Variants in THSD4 observed in about 807,000 individuals in gnomAD.
THSD4 encodes the protein thrombospondin type-1 domain-containing protein 4.
In THSD4, 69 loss-of-function variants were observed where a neutral mutation model predicts 119.0. The ratio of observed to expected loss-of-function variants is 0.58; its 90% CI spans 0.48 to 0.71. The LOEUF (loss-of-function observed/expected upper bound fraction) is 0.71. Ranked by LOEUF, THSD4 falls within the 30% of genes least tolerant of loss-of-function variation. The pLI is 0.00. For synonymous variants in THSD4, 524 were observed against 540.4 expected (o/e 0.97, Z 0.42); for missense variants, 1,393 against 1,391.1 (o/e 1.00, Z -0.02).
intron 7 of THSD4, among the ~76,000 whole-genome samples, chr15:71,548,787 G>T: frequency 1.3e-5 from 2 of 152,284 alleles, no homozygotes; most frequent in African/African-American, 4.8e-5. Context: ...TGACAAATGG[G>T]CTGGCCTCAC....
intron 8 of THSD4, among the ~76,000 whole-genome samples, chr15:71,694,123 G>A (rs2052113948): frequency 6.6e-6 from 1 of 152,194 alleles, no homozygotes; most frequent in African/African-American, 2.4e-5. Context: ...CCCTTTGGTG[G>A]AAACCATGTG....
At chr15:71,326,561 C>T (rs776213971) in intron 6 of THSD4, among the ~76,000 whole-genome samples, 2 of 146,972 alleles carry the variant, frequency 1.4e-5, no homozygotes, top group Non-Finnish European at 3.0e-5. Context: ...CCTATAATCC[C>T]AGCTACTCAG....
intron 6 of THSD4, among the ~76,000 whole-genome samples, chr15:71,364,500 G>T (rs1166620374): frequency 6.6e-6 from 1 of 152,160 alleles, no homozygotes; most frequent in Non-Finnish European, 1.5e-5. Context: ...GTTCAAATGC[G>T]GAAAATGATA....
chr15:71,225,941 C>T (rs2044014756), intron 4 of THSD4, among the ~76,000 whole-genome samples: 1 of 152,104 alleles, frequency 6.6e-6, no homozygotes, highest in Non-Finnish European at 1.5e-5. Context: ...ACTTCTGTCT[C>T]ATGAGTTTTT....
At chr15:71,347,307 C>T (rs2045677551) in intron 6 of THSD4, among the ~76,000 whole-genome samples, 1 of 152,092 alleles carries the variant, frequency 6.6e-6, no homozygotes, top group Admixed American at 6.5e-5. Flanking sequence ...CACCACTGTC[C>T]CCCTGCCCTA....
At chr15:71,421,910 G>A (rs1232822590) in intron 7 of THSD4, among the ~76,000 whole-genome samples, 1 of 152,014 alleles carries the variant, frequency 6.6e-6, no homozygotes, top group Non-Finnish European at 1.5e-5. Flanking sequence ...TTGTCTTCAG[G>A]CTTACTGATT....
intron 4 of THSD4, among the ~76,000 whole-genome samples, chr15:71,217,536 T>C (rs1398374589): frequency 6.6e-6 from 1 of 150,498 alleles, no homozygotes; most frequent in Admixed American, 6.6e-5. Flanking sequence ...GGCAGGAGAA[T>C]GGCGTGAACC....
At chr15:71,208,973 A>G (rs936727153) in intron 3 of THSD4, among the ~76,000 whole-genome samples, 7 of 152,062 alleles carry the variant, frequency 4.6e-5, no homozygotes, top group Admixed American at 4.6e-4. Flanking sequence ...GCCTCACCCC[A>G]TGCAGGGCAG....
At position 71,552,981 on chromosome 15, in the gene THSD4, A is replaced by G. The variant is rs111778315; in HGVS notation, c.1153-107549A>G. 5.3e-3 allele frequency among the ~76,000 whole-genome samples: 815 copies of G among 152,358 alleles called. 15 individuals carry two copies. Among genetic ancestry groups the G allele is most frequent in the African/African-American group, 0.019 (780 of 41,584 alleles). ...AACTATTGTAAAAACAAATTCAAGC[A>G]AACAAATACAGAGAATAAAAGTTAA... On this transcript the variant is annotated intron_variant, in intron 7 of 17. Transcript: ENST00000261862.
intron 7 of THSD4, among the ~76,000 whole-genome samples, chr15:71,581,779 C>T (rs73443882): frequency 0.034 from 5,215 of 152,192 alleles, 324 homozygotes; most frequent in African/African-American, 0.12. Flanking sequence ...TATTCTTTCT[C>T]CATTGTGTGT....
At chr15:71,323,281 G>C (rs2045296976) in intron 6 of THSD4, among the ~76,000 whole-genome samples, 1 of 152,100 alleles carries the variant, frequency 6.6e-6, no homozygotes, top group Non-Finnish European at 1.5e-5. Context: ...CATTTCAGAA[G>C]CTGACTACCA....
chr15:71,522,435 T>C (rs1413022715), intron 7 of THSD4, among the ~76,000 whole-genome samples: 2 of 152,152 alleles, frequency 1.3e-5, no homozygotes, highest in East Asian at 1.9e-4. Flanking sequence ...AGAAGACAGC[T>C]TCTCTCTGAA....
intron 7 of THSD4, among the ~76,000 whole-genome samples, chr15:71,595,184 A>G (rs2049885131): frequency 6.6e-6 from 1 of 152,344 alleles, no homozygotes; most frequent in East Asian, 1.9e-4. Context: ...CTGGAAAGGT[A>G]CTATGAGTGG....
intron 10 of THSD4, among the ~76,000 whole-genome samples, chr15:71,737,244 A>G (rs187833467): frequency 2.2e-4 from 33 of 152,354 alleles, no homozygotes; most frequent in Non-Finnish European, 5.9e-5. Flanking sequence ...GTGCATTTCA[A>G]ATTTGGATAA....
chr15:71,728,975 C>G, intron 9 of THSD4: 1 of 514,620 alleles, frequency 1.9e-6, no homozygotes, highest in South Asian at 2.5e-5. Flanking sequence ...CCAGTAAAAC[C>G]AATTTTACTT....
chr15:71,311,058 G>T (rs544885390), intron 6 of THSD4, among the ~76,000 whole-genome samples: 5 of 152,182 alleles, frequency 3.3e-5, no homozygotes, highest in Non-Finnish European at 7.3e-5. Flanking sequence ...AAGTGGCTGT[G>T]CTCCACACAG....
Position 71,097,254 on chromosome 15 carries a change from T to G in THSD4, c.-80+248T>G, listed in dbSNP as rs569465874. Among the ~76,000 whole-genome samples the G allele has an allele frequency of 3.4e-4, 52 of 152,282 alleles. 1 individual carries two copies. The South Asian group carries it at 0.01, about 30-fold the overall frequency. On this transcript the variant is annotated intron_variant, in intron 1 of 17. Transcript: ENST00000355327. ...CAGCATTGCTAAATAGCTTCAAAAA[T>G]ATGTTATTAACTATTTATTGAGGTG...
chr15:71,424,027 A>C (rs2046840142), intron 7 of THSD4, among the ~76,000 whole-genome samples: 1 of 152,054 alleles, frequency 6.6e-6, no homozygotes. Flanking sequence ...GACTCTCTGC[A>C]CCCCATGGCT....
intron 7 of THSD4, among the ~76,000 whole-genome samples, chr15:71,536,076 A>G (rs2048685420): frequency 6.6e-6 from 1 of 152,154 alleles, no homozygotes; most frequent in African/African-American, 2.4e-5. Flanking sequence ...AGTCAGGTCT[A>G]TATATTAGTG....
Sources: gnomAD v4.1 joint callset for allele counts (sites outside exome capture counted in the v4.1 genomes callset) on GRCh38, gnomAD v4.1.1 for gene constraint, MANE v1.5 for transcripts, NCBI Gene and HGNC (gene_info 2026-07-23, HGNC 2026-07-21) for gene names.